RYR3: variants seen among roughly 807,000 people sequenced by gnomAD.
RYR3 encodes ryanodine receptor 3.
In RYR3, 207 loss-of-function variants were observed where a neutral mutation model predicts 584.3. That is an observed-to-expected ratio of 0.35 (90% CI 0.32 to 0.40). RYR3 has a LOEUF of 0.40. Among genes scored for constraint, RYR3 ranks in the 10% least tolerant of loss-of-function variants. The pLI is 1.00. For synonymous variants in RYR3, 2,416 were observed against 2,248.5 expected (o/e 1.07, Z -2.11); for missense variants, 5,616 against 6,089.2 (o/e 0.92, Z 2.59).
intron 16 of RYR3, among the ~76,000 whole-genome samples, chr15:33,594,489 G>A (rs2059279845): frequency 6.6e-6 from 1 of 152,134 alleles, no homozygotes; most frequent in African/African-American, 2.4e-5. Context: ...ACAAAACAAA[G>A]TATCAGCAAC....
chr15:33,387,352 G>C (rs2041676439), intron 1 of RYR3, among the ~76,000 whole-genome samples: 1 of 152,148 alleles, frequency 6.6e-6, no homozygotes, highest in Non-Finnish European at 1.5e-5. Flanking sequence ...ATACCCAGAA[G>C]TGGACTTGCT....
chr15:33,589,405 A>G (rs1050038636), intron 16 of RYR3, among the ~76,000 whole-genome samples: 1 of 152,176 alleles, frequency 6.6e-6, no homozygotes, highest in Non-Finnish European at 1.5e-5. Flanking sequence ...CCTATTCTAT[A>G]GGTTTTCTGT....
intron 96 of RYR3, 112 bp downstream of exon 96, chr15:33,853,794 T>G: frequency 7.2e-7 from 1 of 1,395,514 alleles, no homozygotes. Context: ...GTGGTCTGGC[T>G]TAGGTGTTTC....
At chr15:33,800,980 G>C (rs1364426025) in intron 68 of RYR3, 123 bp downstream of exon 68, 6 of 721,840 alleles carry the variant, frequency 8.3e-6, no homozygotes, top group South Asian at 1.7e-5. Flanking sequence ...CCACATGTGA[G>C]GACCACGACC....
At chr15:33,325,942 C>G in intron 1 of RYR3, among the ~76,000 whole-genome samples, 1 of 152,132 alleles carries the variant, frequency 6.6e-6, no homozygotes, top group East Asian at 1.9e-4. Flanking sequence ...GCTAGGACTA[C>G]AGGCATGTGC....
intron 13 of RYR3, among the ~76,000 whole-genome samples, chr15:33,580,939 A>G (rs1462419523): frequency 6.6e-6 from 1 of 151,816 alleles, no homozygotes; most frequent in Non-Finnish European, 1.5e-5. Flanking sequence ...AAGAACAGCT[A>G]GCACAGATTT....
intron 99 of RYR3, 137 bp from the exon 100 acceptor site, chr15:33,859,438 T>C (rs1234529580): frequency 4.9e-6 from 4 of 812,494 alleles, no homozygotes; most frequent in African/African-American, 1.7e-5. Context: ...GCAGCATGAA[T>C]ACTGGCACCT....
intron 67 of RYR3, among the ~76,000 whole-genome samples, chr15:33,793,597 G>A (rs1176701667): frequency 6.6e-6 from 1 of 152,080 alleles, no homozygotes; most frequent in Non-Finnish European, 1.5e-5. Flanking sequence ...TCTGTGCCTG[G>A]AAACAGGGGC....
intron 38 of RYR3, among the ~76,000 whole-genome samples, chr15:33,683,643 G>T (rs561358172): frequency 6.6e-6 from 1 of 152,234 alleles, no homozygotes; most frequent in Non-Finnish European, 1.5e-5. Context: ...TGAACAGTGC[G>T]TGCAGCCCAT....
At chr15:33,598,674 A>G (rs1398007409) in intron 16 of RYR3, among the ~76,000 whole-genome samples, 1 of 152,096 alleles carries the variant, frequency 6.6e-6, no homozygotes, top group East Asian at 1.9e-4. Flanking sequence ...AGCAAGCTCA[A>G]ACTCCATAAA....
chr15:33,716,400 C>T (rs2067499252), intron 43 of RYR3, among the ~76,000 whole-genome samples: 2 of 152,182 alleles, frequency 1.3e-5, no homozygotes, highest in Non-Finnish European at 2.9e-5. Context: ...CGTTCTCCCA[C>T]TGGACTCCCT....
In RYR3 at chr15:33,662,339, A is replaced by G; in HGVS notation, c.4809A>G (p.Arg1603=). ...ACAAGTACCTCCCCGGCCTCCTTCGATCTGGTTTCTATGACCTGCTCATCA... is the reference window on the plus strand; with the variant it reads ...ACAAGTACCTCCCCGGCCTCCTTCGGTCTGGTTTCTATGACCTGCTCATCA... ...IDNKYLPGLL[R]SGFYDLLISI... Residue 1603 remains arginine (R), a synonymous_variant, in exon 35 of 104, where the codon CGA becomes CGG. Coordinates refer to ENST00000634891, the MANE Select transcript of RYR3 (RefSeq NM_001036.6). The G allele has an allele frequency of 6.2e-7, 1 of 1,612,502 alleles. No homozygotes were observed.
At chr15:33,753,222 CTTTTA>C (rs2071494365) in intron 57 of RYR3, among the ~76,000 whole-genome samples, 1 of 152,110 alleles carries the variant, frequency 6.6e-6, no homozygotes, top group Non-Finnish European at 1.5e-5. Flanking sequence ...TCTCTTCATA[CTTTTA>C]TTTGTTGTTT....
rs186816214 is a variant in RYR3, at chr15:33,617,802, A to G, written c.2357+4427A>G. Among the ~76,000 whole-genome samples the G allele has an allele frequency of 5.3e-5, 8 of 152,358 alleles. No homozygotes were observed. In the East Asian group the frequency reaches 1.4e-3, roughly 26 times the overall value. On this transcript the variant is annotated intron_variant, in intron 19 of 103. Transcript: ENST00000634891. ...ACATGAAGAGCAAAAATCTTTTTCA[A>G]TTAGATTTACCCACAGTGAAGTCAA...
At chr15:33,635,583 C>T (rs751133113) in intron 25 of RYR3, 31 bp from the exon 26 acceptor site, 9 of 1,566,324 alleles carry the variant, frequency 5.7e-6, no homozygotes, top group Non-Finnish European at 8.8e-7. Flanking sequence ...TTCCCTTCCA[C>T]ACCCTCTGTT....
intron 8 of RYR3, 71 bp from the exon 9 acceptor site, chr15:33,548,058 AG>A (rs2141219460): frequency 9.6e-7 from 1 of 1,041,880 alleles, no homozygotes; most frequent in Admixed American, 1.9e-5. Flanking sequence ...CAGCCTCTGC[AG>A]GGAGCTGTTC....
chr15:33,317,177 T>C (rs910470889), intron 1 of RYR3, among the ~76,000 whole-genome samples: 1 of 152,144 alleles, frequency 6.6e-6, no homozygotes, highest in African/African-American at 2.4e-5. Flanking sequence ...TCCTTCCTAT[T>C]CCCCTTCCTG....
At chr15:33,698,125 C>G in intron 40 of RYR3, 129 bp downstream of exon 40, 1 of 682,294 alleles carries the variant, frequency 1.5e-6, no homozygotes, top group South Asian at 1.7e-5. Context: ...GGGATAGGCA[C>G]AGTGCCAAGA....
chr15:33,578,794 A>AAG (rs2058445864), intron 12 of RYR3, among the ~76,000 whole-genome samples: 2 of 147,210 alleles, frequency 1.4e-5, no homozygotes, highest in African/African-American at 5.0e-5. Flanking sequence ...ACAAAAAAAA[A>AAG]CTCCTCGTGA....
Sources: allele counts gnomAD v4.1 joint callset (sites outside exome capture counted in the v4.1 genomes callset), GRCh38; gene constraint gnomAD v4.1.1; transcripts MANE v1.5; gene names NCBI Gene and HGNC (gene_info 2026-07-23, HGNC 2026-07-21).